The following HS2ST1 variants were observed in gnomAD, a reference collection of about 807,000 sequenced individuals.
HS2ST1 encodes 2-O-sulfotransferase.
Under a neutral mutation model 42.9 loss-of-function variants are expected in HS2ST1, and 18 were observed. The ratio of observed to expected loss-of-function variants is 0.42; its 90% CI spans 0.29 to 0.62. The LOEUF is 0.62. Ranked by LOEUF, HS2ST1 falls within the 20% of genes least tolerant of loss-of-function variation. HS2ST1 has a pLI of 0.21. For synonymous variants in HS2ST1, 146 were observed against 152.9 expected, an observed-to-expected ratio of 0.95 and a Z score of 0.33; for missense variants, 334 against 433.8, an observed-to-expected ratio of 0.77 and a Z score of 2.04.
chr1:87,046,942 A>G (rs1186285417), intron 1 of HS2ST1, among the ~76,000 whole-genome samples: 1 of 151,070 alleles, frequency 6.6e-6, no homozygotes, highest in African/African-American at 2.4e-5. Context: ...TCCTGACCGC[A>G]GGTGATCCAC....
At chr1:87,064,103 G>A (rs1317992232) in intron 1 of HS2ST1, among the ~76,000 whole-genome samples, 1 of 152,056 alleles carries the variant, frequency 6.6e-6, no homozygotes, top group Non-Finnish European at 1.5e-5. Flanking sequence ...TGGGGGGGCC[G>A]GTTTTTCCTA....
intron 5 of HS2ST1, among the ~76,000 whole-genome samples, chr1:87,101,174 T>TG (rs1652195826): frequency 7.8e-6 from 1 of 128,704 alleles, no homozygotes; most frequent in Non-Finnish European, 1.7e-5. Context: ...TTTTTTTTTT[T>TG]TTTTTTTTTT....
chr1:86,928,496 C>T (rs372827279), intron 1 of HS2ST1, among the ~76,000 whole-genome samples: 3 of 151,942 alleles, frequency 2.0e-5, no homozygotes, highest in African/African-American at 4.8e-5. Flanking sequence ...AAAGTGCCTC[C>T]AATTGCCAGT....
intron 1 of HS2ST1, among the ~76,000 whole-genome samples, chr1:87,030,118 T>G (rs1463748206): frequency 6.6e-6 from 1 of 152,218 alleles, no homozygotes; most frequent in African/African-American, 2.4e-5. Context: ...CCTGGGGTCC[T>G]TAGCTAACCA....
chr1:86,933,422 T>A (rs1660581270), intron 1 of HS2ST1, among the ~76,000 whole-genome samples: 1 of 152,240 alleles, frequency 6.6e-6, no homozygotes, highest in Non-Finnish European at 1.5e-5. Flanking sequence ...TTGTTTTCTC[T>A]GCTGTGTCTA....
chr1:86,914,939 C>T lies in HS2ST1; in HGVS notation c.-98C>T, dbSNP rs1660107090. The T allele has an allele frequency of 6.7e-7, 1 of 1,494,332 alleles. No individual in the cohort carries two copies. The highest frequency in any genetic ancestry group is 1.4e-5 in the African/African-American group (1 of 71,958). 92.6% of individuals were successfully genotyped at this position (1,494,332 alleles called of 1,614,324 possible). On this transcript the variant is annotated 5_prime_UTR_variant, in exon 1 of 7. Transcript: ENST00000370550. ...TCTCGCTGTCGCTCTCTCTTTGCCT[C>T]GCTCCCGGCTCGGCGGGCTCCTCCC...
intron 1 of HS2ST1, among the ~76,000 whole-genome samples, chr1:87,015,086 G>C (rs143364363): frequency 6.6e-6 from 1 of 152,154 alleles, no homozygotes; most frequent in East Asian, 1.9e-4. Flanking sequence ...GTGTCGCTCT[G>C]TCACCAAGCT....
chr1:87,045,023 G>T, intron 1 of HS2ST1: 2 of 1,455,034 alleles, frequency 1.4e-6, no homozygotes, highest in Non-Finnish European at 1.9e-6. Flanking sequence ...ATTTCCTCTT[G>T]CGGCTTCTCT....
chr1:86,957,219 AAG>A (rs1471285524), intron 1 of HS2ST1, among the ~76,000 whole-genome samples: 1 of 152,244 alleles, frequency 6.6e-6, no homozygotes, highest in Non-Finnish European at 1.5e-5. Flanking sequence ...ATGATTGAAA[AAG>A]AATTTCTGAA....
intron 1 of HS2ST1, among the ~76,000 whole-genome samples, chr1:87,025,250 T>C (rs1650054941): frequency 6.6e-6 from 1 of 152,226 alleles, no homozygotes; most frequent in Non-Finnish European, 1.5e-5. Context: ...GCCTGGCGGC[T>C]GTTGCTACCT....
Position 86,976,702 on chromosome 1 carries a change from T to TTATA in HS2ST1, c.124+61543_124+61544insATAT, listed in dbSNP as rs1553134330. Among the ~76,000 whole-genome samples, 55 of 26,838 alleles carry TTATA rather than the reference T, an allele frequency of 2.0e-3. 2 individuals carry two copies. The highest frequency in any genetic ancestry group is 9.5e-4 in the Non-Finnish European group (9 of 9,432). 17.6% of individuals were successfully genotyped at this position (26,838 alleles called of 152,430 possible). ...GTAAATCCATCTTTTCTTTATAAAA[T>TTATA]TGTATATATATATATATATTTTAAA... On this transcript the variant is annotated intron_variant, in intron 1 of 6. Coordinates refer to ENST00000370550, the MANE Select transcript of HS2ST1 (RefSeq NM_012262.4).
intron 1 of HS2ST1, among the ~76,000 whole-genome samples, chr1:86,954,939 A>G: frequency 6.6e-6 from 1 of 152,150 alleles, no homozygotes; most frequent in African/African-American, 2.4e-5. Flanking sequence ...TCTACAAAAA[A>G]TAGAAAAAAT....
chr1:86,999,258 G>A (rs1038808887), intron 1 of HS2ST1, among the ~76,000 whole-genome samples: 2 of 151,662 alleles, frequency 1.3e-5, no homozygotes, highest in Admixed American at 6.6e-5. Flanking sequence ...GGCTCACCGC[G>A]GTCTCTGCCT....
intron 1 of HS2ST1, among the ~76,000 whole-genome samples, chr1:86,957,896 C>T (rs1204699221): frequency 4.6e-5 from 7 of 150,868 alleles, no homozygotes; most frequent in Non-Finnish European, 8.8e-5. Flanking sequence ...CCGGGTTCAA[C>T]GTTTCTCCTG....
intron 1 of HS2ST1, among the ~76,000 whole-genome samples, chr1:87,063,415 C>T (rs1455212946): frequency 6.6e-6 from 1 of 152,198 alleles, no homozygotes; most frequent in African/African-American, 2.4e-5. Context: ...CCGCTCACCG[C>T]AGCCTCTGCT....
chr1:87,049,846 G>C (rs1455991567), intron 1 of HS2ST1, among the ~76,000 whole-genome samples: 1 of 152,080 alleles, frequency 6.6e-6, no homozygotes, highest in African/African-American at 2.4e-5. Flanking sequence ...TTGTGAGCAT[G>C]ATGGTGAAAT....
intron 1 of HS2ST1, among the ~76,000 whole-genome samples, chr1:86,990,442 A>G (rs547762171): frequency 6.4e-4 from 98 of 152,210 alleles, no homozygotes; most frequent in African/African-American, 2.1e-3. Context: ...GATTTCTTTG[A>G]TCAGCTTAGC....
chr1:87,057,866 G>C (rs925779786), intron 1 of HS2ST1, among the ~76,000 whole-genome samples: 1 of 151,302 alleles, frequency 6.6e-6, no homozygotes, highest in African/African-American at 2.5e-5. Flanking sequence ...AAGAAAAAGA[G>C]AGAGAAAAAA....
At chr1:87,053,652 A>G (rs151278633) in intron 1 of HS2ST1, among the ~76,000 whole-genome samples, 48 of 152,334 alleles carry the variant, frequency 3.2e-4, no homozygotes, top group African/African-American at 1.1e-3. Flanking sequence ...GAGTCCTTCA[A>G]AAAACATTTT....
Sources: gnomAD v4.1 joint callset for allele counts (sites outside exome capture counted in the v4.1 genomes callset) on GRCh38, gnomAD v4.1.1 for gene constraint, MANE v1.5 for transcripts, NCBI Gene and HGNC (gene_info 2026-07-23, HGNC 2026-07-21) for gene names.